Variants in PSMA1 observed in about 807,000 individuals in gnomAD.
The protein encoded by PSMA1 is proteasome subunit alpha type-1.
Under a neutral mutation model 38.4 loss-of-function variants are expected in PSMA1, and 3 were observed. The ratio of observed to expected loss-of-function variants is 0.08; its 90% CI spans 0.04 to 0.20. The LOEUF is 0.20. Ranked by LOEUF, PSMA1 falls within the 10% of genes least tolerant of loss-of-function variation. The pLI is 1.00. For synonymous variants in PSMA1, 101 were observed against 107.1 expected, an observed-to-expected ratio of 0.94 and a Z score of 0.35; for missense variants, 227 against 325.3, an observed-to-expected ratio of 0.70 and a Z score of 2.32.
chr11:14,546,176 T>G (rs1051710415), intron 2 of PSMA1, among the ~76,000 whole-genome samples: 2 of 151,026 alleles, frequency 1.3e-5, no homozygotes, highest in African/African-American at 4.9e-5. Context: ...GTAAAGGGGA[T>G]TAGGTGGAAG....
chr11:14,535,741 G>A (rs561412123), intron 2 of PSMA1, among the ~76,000 whole-genome samples: 3 of 152,022 alleles, frequency 2.0e-5, no homozygotes, highest in African/African-American at 2.4e-5. Context: ...CACCCCACCC[G>A]GCCATTCATG....
intron 2 of PSMA1, among the ~76,000 whole-genome samples, chr11:14,527,124 T>C (rs936623998): frequency 6.6e-6 from 1 of 152,150 alleles, no homozygotes; most frequent in African/African-American, 2.4e-5. Flanking sequence ...TCAAGGCCGC[T>C]TTACTTCCAA....
chr11:14,537,283 C>A (rs1174932313), intron 2 of PSMA1, among the ~76,000 whole-genome samples: 2 of 152,182 alleles, frequency 1.3e-5, no homozygotes, highest in South Asian at 2.1e-4. Context: ...CTGACCCCAC[C>A]ACCCTCGCCC....
At chr11:14,601,772 G>A (rs59623614) in intron 2 of PSMA1, among the ~76,000 whole-genome samples, 7,713 of 152,212 alleles carry the variant, frequency 0.051, 484 homozygotes, top group African/African-American at 0.14. Context: ...TATCTAGTAA[G>A]TGAAAGAATG....
chr11:14,643,100 A>C (rs945021161), intron 1 of PSMA1, among the ~76,000 whole-genome samples: 3 of 150,964 alleles, frequency 2.0e-5, no homozygotes, highest in Non-Finnish European at 4.4e-5. Context: ...GCAACACTCA[A>C]GAACGTGCAC....
chr11:14,633,422 T>TG (rs1300381659), intron 1 of PSMA1, among the ~76,000 whole-genome samples: 19 of 151,372 alleles, frequency 1.3e-4, no homozygotes, highest in Non-Finnish European at 1.6e-4. Flanking sequence ...GTGCCCCTGC[T>TG]GGGGGGTGCC....
rs61883614 is a variant in PSMA1, at chr11:14,561,819, C to T, written c.22-42778G>A. Among the ~76,000 whole-genome samples the T allele has an allele frequency of 1.6e-3, 93 of 56,406 alleles. 1 individual carries two copies. Among genetic ancestry groups the T allele is most frequent in the Non-Finnish European group, 2.9e-3 (52 of 17,992 alleles). The allele number at this position is 56,406 out of a possible 152,430, so 37.0% of individuals were successfully genotyped here. On this transcript the variant is annotated intron_variant, in intron 2 of 10. Coordinates refer to the PSMA1 transcript ENST00000418988. Reference sequence around the variant, plus strand: ...CTAAACTAAACTAAATTAAACTAAACTAAACTAAACTAAACTAAACTAAAC... The same window carrying T: ...CTAAACTAAACTAAATTAAACTAAATTAAACTAAACTAAACTAAACTAAAC...
chr11:14,638,910 G>T (rs1414162252), intron 1 of PSMA1, among the ~76,000 whole-genome samples: 1 of 151,616 alleles, frequency 6.6e-6, no homozygotes, highest in African/African-American at 2.4e-5. Context: ...AAGAAAACTT[G>T]GAAAGAGTCT....
intron 2 of PSMA1, among the ~76,000 whole-genome samples, chr11:14,591,680 T>C (rs938498255): frequency 2.6e-5 from 4 of 152,150 alleles, no homozygotes; most frequent in Admixed American, 1.3e-4. Flanking sequence ...TGTGTGTCCA[T>C]ACTCTGTATC....
intron 7 of PSMA1, 25 bp from the exon 8 acceptor site, chr11:14,510,976 T>C (rs757331772): frequency 7.1e-7 from 1 of 1,411,178 alleles, no homozygotes; most frequent in Non-Finnish European, 9.8e-7. Context: ...TTAACAATTA[T>C]TTCTTAATTT....
At chr11:14,539,721 C>T (rs1851750005) in intron 2 of PSMA1, among the ~76,000 whole-genome samples, 1 of 151,984 alleles carries the variant, frequency 6.6e-6, no homozygotes, top group African/African-American at 2.4e-5. Flanking sequence ...TGGTGGCAGG[C>T]GCCTATAGTC....
chr11:14,520,505 G>A (rs1851511692), upstream of PSMA1: 2 of 1,431,412 alleles, frequency 1.4e-6, no homozygotes, highest in Non-Finnish European at 1.8e-6. Context: ...GGCGGGCGGA[G>A]CCTCGGAAGA....
intron 2 of PSMA1, among the ~76,000 whole-genome samples, chr11:14,594,560 G>A (rs949241490): frequency 3.9e-5 from 6 of 152,104 alleles, no homozygotes; most frequent in African/African-American, 1.4e-4. Flanking sequence ...GAGAATATCT[G>A]ATTTTCTGTT....
At chr11:14,637,263 T>C (rs1356491875) in intron 1 of PSMA1, among the ~76,000 whole-genome samples, 1 of 152,214 alleles carries the variant, frequency 6.6e-6, no homozygotes, top group East Asian at 1.9e-4. Context: ...CTGTTCTTTG[T>C]ATGGAATACT....
rs1177743352 is a variant in PSMA1, at chr11:14,638,514, T to TCTCTCTCC, written c.-166+4940_-166+4941insGGAGAGAG. On this transcript the variant is annotated intron_variant, in intron 1 of 10. Coordinates refer to the PSMA1 transcript ENST00000418988. ...CTTAGTGGAGAAACACACCTCTCTC[T>TCTCTCTCC]CTCTCTCTCTCTCTCTCTCTCTCTC... 7.2e-3 allele frequency among the ~76,000 whole-genome samples: 143 copies of TCTCTCTCC among 19,976 alleles called. 9 individuals carry two copies. The highest frequency in any genetic ancestry group is 0.019 in the African/African-American group (78 of 4,028). The allele number at this position is 19,976 out of a possible 152,430, so 13.1% of individuals were successfully genotyped here. A position where few individuals can be genotyped will look rare whatever the true frequency, so the allele number is the denominator to read the frequency against.
At chr11:14,514,144 T>G (rs1851389478) in intron 5 of PSMA1, 2 of 1,323,706 alleles carry the variant, frequency 1.5e-6, no homozygotes, top group Non-Finnish European at 1.9e-6. Context: ...GGTCTAGGAT[T>G]TCTTGGGACA....
intron 2 of PSMA1, among the ~76,000 whole-genome samples, chr11:14,528,963 C>T (rs907683237): frequency 3.3e-5 from 5 of 152,044 alleles, no homozygotes; most frequent in African/African-American, 1.2e-4. Flanking sequence ...GTTGCTGACT[C>T]TCTTTTCGGA....
intron 2 of PSMA1, among the ~76,000 whole-genome samples, chr11:14,530,133 C>A (rs1851631518): frequency 6.6e-6 from 1 of 152,190 alleles, no homozygotes; most frequent in African/African-American, 2.4e-5. Context: ...ACTGTGACCT[C>A]AACCCCTGCC....
chr11:14,512,730 G>A (rs1851365003), intron 7 of PSMA1, among the ~76,000 whole-genome samples: 1 of 152,146 alleles, frequency 6.6e-6, no homozygotes, highest in African/African-American at 2.4e-5. Flanking sequence ...CCTATGTACT[G>A]TTATTTTATT....
Sources: gnomAD v4.1 joint callset for allele counts (sites outside exome capture counted in the v4.1 genomes callset) on GRCh38, gnomAD v4.1.1 for gene constraint, MANE v1.5 for transcripts, NCBI Gene and HGNC (gene_info 2026-07-23, HGNC 2026-07-21) for gene names.